ITPR2: variants seen among roughly 807,000 people sequenced by gnomAD.
The protein encoded by ITPR2 is inositol 1,4,5-trisphosphate receptor type 2.
Under a neutral mutation model 317.1 loss-of-function variants are expected in ITPR2, and 207 were observed. The observed-to-expected ratio is 0.65, with a 90% CI of 0.58 to 0.73. The LOEUF (loss-of-function observed/expected upper bound fraction) is 0.73, where lower values mean the gene tolerates loss of function less well. ITPR2 is among the 30% of genes least tolerant of loss of function. ITPR2 has a pLI of 0.00. For missense variants in ITPR2, 2,613 were observed against 3,284.0 expected, an observed-to-expected ratio of 0.80 and a Z score of 4.99; for synonymous variants, 1,156 against 1,149.1, an observed-to-expected ratio of 1.01 and a Z score of -0.12.
At chr12:26,641,900 C>G (rs1946998716) in intron 21 of ITPR2, among the ~76,000 whole-genome samples, 1 of 151,650 alleles carries the variant, frequency 6.6e-6, no homozygotes, top group African/African-American at 2.4e-5. Context: ...AATAGTCATA[C>G]AGATACTTTT....
intron 26 of ITPR2, among the ~76,000 whole-genome samples, chr12:26,605,754 G>T (rs1946115986): frequency 6.6e-6 from 1 of 152,122 alleles, no homozygotes; most frequent in African/African-American, 2.4e-5. Context: ...GAAAAATAAT[G>T]ATTTTAATTT....
chr12:26,760,641 G>A (rs895120607), intron 2 of ITPR2, among the ~76,000 whole-genome samples: 2 of 152,148 alleles, frequency 1.3e-5, no homozygotes, highest in African/African-American at 4.8e-5. Context: ...AAATGAAAAG[G>A]ATGGTTATAT....
intron 2 of ITPR2, among the ~76,000 whole-genome samples, chr12:26,731,615 A>G (rs1033534290): frequency 6.6e-6 from 1 of 152,016 alleles, no homozygotes; most frequent in Non-Finnish European, 1.5e-5. Flanking sequence ...TGGGCAACAA[A>G]TTGAGACCCT....
chr12:26,501,241 C>T (rs1031787646), intron 37 of ITPR2, among the ~76,000 whole-genome samples: 3 of 152,108 alleles, frequency 2.0e-5, no homozygotes, highest in Admixed American at 1.3e-4. Context: ...GTTTCTGTAA[C>T]CTTTTGGCTT....
intron 55 of ITPR2, among the ~76,000 whole-genome samples, chr12:26,355,627 T>C (rs924026529): frequency 6.6e-6 from 1 of 152,252 alleles, no homozygotes; most frequent in African/African-American, 2.4e-5. Context: ...CCCATTTCAT[T>C]ATTACCCATT....
rs532227557 is a variant in ITPR2 at position 26,494,245 on chromosome 12, C to T, written c.5278G>A (p.Asp1760Asn). The part of the protein sequence containing the change: ...DKEGASELVI[D>N]VIVNTKNDRI... ...TCATTTTTGGTGTTCACTATAACAT[C>T]GATGACAAGTTCTGATGCACCTTCT... The change falls in exon 39 of 57, where the codon GAT (aspartate) becomes AAT (asparagine). Residue 1760 changes from aspartate (D) to asparagine (N), a missense_variant. By Grantham distance (23) the Asp-to-Asn change is conservative. This residue lies in a region of ITPR2 where 926 missense variants were observed against 1,072.8 expected (regional missense o/e 0.86). Coordinates refer to ENST00000381340, the MANE Select transcript of ITPR2 (RefSeq NM_002223.4). 1.6e-5 allele frequency: 26 copies of T among 1,613,358 alleles called. No homozygotes were observed. In the South Asian group the frequency reaches 2.2e-4, roughly 14 times the overall value.
intron 55 of ITPR2, among the ~76,000 whole-genome samples, chr12:26,381,674 T>C (rs2136617955): frequency 6.6e-6 from 1 of 152,332 alleles, no homozygotes; most frequent in Middle Eastern, 3.4e-3. Context: ...CAGAGTGCAG[T>C]TGTTAATCAA....
intron 46 of ITPR2, among the ~76,000 whole-genome samples, chr12:26,439,869 C>A (rs1941443811): frequency 6.6e-6 from 1 of 152,056 alleles, no homozygotes; most frequent in African/African-American, 2.4e-5. Context: ...TAAACATATA[C>A]CCACATTTAA....
At chr12:26,363,168 G>C (rs1938893738) in intron 55 of ITPR2, among the ~76,000 whole-genome samples, 1 of 152,128 alleles carries the variant, frequency 6.6e-6, no homozygotes, top group Non-Finnish European at 1.5e-5. Flanking sequence ...AGCAACGGTG[G>C]TATTAGATTC....
intron 12 of ITPR2, among the ~76,000 whole-genome samples, chr12:26,682,367 T>C (rs976467186): frequency 1.5e-4 from 23 of 152,240 alleles, no homozygotes; most frequent in African/African-American, 5.5e-4. Context: ...TGTAGCATCC[T>C]TCTGAATCAC....
chr12:26,475,149 G>A (rs1942388222), intron 45 of ITPR2, 147 bp downstream of exon 45: 2 of 821,712 alleles, frequency 2.4e-6, no homozygotes, highest in Non-Finnish European at 3.8e-6. Context: ...CAGGCATTCT[G>A]GGAGGCTGTT....
intron 23 of ITPR2, among the ~76,000 whole-genome samples, chr12:26,625,714 T>C (rs1361439082): frequency 1.3e-5 from 2 of 152,176 alleles, no homozygotes; most frequent in Admixed American, 6.5e-5. Flanking sequence ...TACATATAAT[T>C]TAAATGAGTG....
intron 9 of ITPR2, among the ~76,000 whole-genome samples, chr12:26,705,491 C>T (rs116390040): frequency 1.5e-4 from 23 of 152,242 alleles, no homozygotes; most frequent in African/African-American, 5.1e-4. Flanking sequence ...CCTTCAAACA[C>T]CCTCCCACTC....
In ITPR2 at chr12:26,715,335, A is replaced by G; in HGVS notation, c.819T>C (p.Thr273=). 1.2e-6 allele frequency: 2 copies of G among 1,613,740 alleles called. No individual in the cohort carries two copies. Among genetic ancestry groups the G allele is most frequent in the Non-Finnish European group, 1.7e-6 (2 of 1,179,718 alleles). Residue 273 remains threonine, a synonymous_variant, in exon 8 of 57, where the codon ACT becomes ACC. Transcript: ENST00000381340. ...FLRTTLRQSA[T]SATSSKALWE... Reference sequence around the variant, plus strand: ...AGAGTGCTTTAGAACTAGTAGCAGAAGTAGCTGATTGGCGCAAGGTCGTAC... The same window carrying G: ...AGAGTGCTTTAGAACTAGTAGCAGAGGTAGCTGATTGGCGCAAGGTCGTAC...
At chr12:26,345,282 G>T (rs1938270110) in intron 55 of ITPR2, among the ~76,000 whole-genome samples, 2 of 151,974 alleles carry the variant, frequency 1.3e-5, no homozygotes, top group Admixed American at 1.3e-4. Flanking sequence ...ACTGCAGAAA[G>T]TACAGTAGTC....
At chr12:26,784,767 G>C (rs1023527625) in intron 2 of ITPR2, among the ~76,000 whole-genome samples, 2 of 149,158 alleles carry the variant, frequency 1.3e-5, no homozygotes, top group South Asian at 4.3e-4. Context: ...CCACCACCCC[G>C]TCTGGGAAGT....
At chr12:26,536,160 G>A (rs1944084171) in intron 37 of ITPR2, among the ~76,000 whole-genome samples, 1 of 152,078 alleles carries the variant, frequency 6.6e-6, no homozygotes, top group Non-Finnish European at 1.5e-5. Context: ...GGAAAGAGGT[G>A]GCATATACAT....
intron 34 of ITPR2, among the ~76,000 whole-genome samples, chr12:26,570,638 T>G (rs1459983225): frequency 6.6e-6 from 1 of 152,256 alleles, no homozygotes; most frequent in East Asian, 1.9e-4. Flanking sequence ...AAATAGATTA[T>G]GTTGCCAACA....
At chr12:26,354,164 C>T (rs1466688130) in intron 55 of ITPR2, among the ~76,000 whole-genome samples, 1 of 152,082 alleles carries the variant, frequency 6.6e-6, no homozygotes, top group East Asian at 1.9e-4. Context: ...ATCCCAGCTA[C>T]TCAGGAGACT....
Sources: allele counts gnomAD v4.1 joint callset (sites outside exome capture counted in the v4.1 genomes callset), GRCh38; gene constraint gnomAD v4.1.1; regional missense constraint gnomAD v4.1.1; transcripts MANE v1.5; gene names NCBI Gene and HGNC (gene_info 2026-07-23, HGNC 2026-07-21).